The following SATL1 variants were observed in gnomAD, a reference collection of about 807,000 sequenced individuals.
SATL1 encodes spermidine/spermine N1-acetyl transferase like 1.
SATL1 carries 47 observed loss-of-function variants against 51.8 expected under a neutral mutation model. The observed-to-expected ratio is 0.91, with a 90% CI of 0.72 to 1.16. SATL1 has a LOEUF of 1.16. Ranked by LOEUF, SATL1 falls within the 50% of genes most tolerant of loss-of-function variation. SATL1 has a pLI of 0.00. For synonymous variants in SATL1, 176 were observed against 182.4 expected (o/e 0.97, Z 0.28); for missense variants, 520 against 526.4 (o/e 0.99, Z 0.12).
chrX:85,161,346 T>C (rs1320302801), intron 2 of SATL1, among the ~76,000 whole-genome samples: 1 of 110,724 alleles, frequency 9.0e-6, no homozygotes, highest in Non-Finnish European at 1.9e-5. Flanking sequence ...AATGCCCCAA[T>C]TTAAAAGGCA....
intron 2 of SATL1, among the ~76,000 whole-genome samples, chrX:85,167,118 A>G (rs1331056316): frequency 9.2e-6 from 1 of 109,281 alleles, no homozygotes; most frequent in Non-Finnish European, 1.9e-5. Context: ...GTTGGAGACC[A>G]CTATTCTATA....
chrX:85,149,766 C>T (rs1342901309), intron 2 of SATL1, among the ~76,000 whole-genome samples: 25 of 111,208 alleles, frequency 2.2e-4, no homozygotes, highest in South Asian at 1.1e-3. Context: ...TTGAAACCAA[C>T]GAGAACAAAG....
chrX:85,140,737 G>A (rs1410730494), intron 2 of SATL1, among the ~76,000 whole-genome samples: 8 of 111,779 alleles, frequency 7.2e-5, no homozygotes, highest in Admixed American at 1.9e-4. Context: ...CAGGTTGCTA[G>A]CTACTGTTCC....
chrX:85,221,479 C>T (rs1928176342), intron 2 of SATL1, among the ~76,000 whole-genome samples: 1 of 112,031 alleles, frequency 8.9e-6, no homozygotes, highest in South Asian at 3.8e-4. Flanking sequence ...TGATTCAAAA[C>T]TCTGTAACTA....
At chrX:85,110,740 A>T (rs1162506030) in intron 2 of SATL1, among the ~76,000 whole-genome samples, 1 of 112,304 alleles carries the variant, frequency 8.9e-6, no homozygotes, top group African/African-American at 3.2e-5. Flanking sequence ...TTAGCATGAC[A>T]AGCAAATCAA....
intron 2 of SATL1, chrX:85,207,261 T>A (rs939153341): frequency 4.5e-5 from 5 of 111,555 alleles, no homozygotes; most frequent in African/African-American, 1.6e-4. Context: ...GAGCATTGCT[T>A]CCCTAGATAC....
chrX:85,143,996 T>C (rs1450391278), intron 2 of SATL1, among the ~76,000 whole-genome samples: 1 of 112,246 alleles, frequency 8.9e-6, no homozygotes, highest in Non-Finnish European at 1.9e-5. Flanking sequence ...GGTATAATCA[T>C]ACCTGTCTAT....
chrX:85,191,996 T>C (rs960265989), intron 2 of SATL1, among the ~76,000 whole-genome samples: 47 of 112,119 alleles, frequency 4.2e-4, no homozygotes, highest in Non-Finnish European at 3.8e-5. Flanking sequence ...GACAGAAACA[T>C]AGACTTGATC....
chrX:85,109,100 G>T lies in SATL1; in HGVS notation c.-132C>A. ...GTGCTGTGGTGGGAGGTTGTTGGCT[G>T]TTCCCAGTTCTTCTCAATTTGATTC... On this transcript the variant is annotated 5_prime_UTR_variant, in exon 3 of 8. Coordinates refer to ENST00000644105, the MANE Select transcript of SATL1 (RefSeq NM_001367857.2). 1 of 589,101 alleles carries T rather than the reference G, an allele frequency of 1.7e-6. No homozygotes were observed. Among genetic ancestry groups the T allele is most frequent in the Non-Finnish European group, 2.6e-6 (1 of 383,643 alleles). 48.5% of individuals were successfully genotyped at this position (589,101 alleles called of 1,213,427 possible).
chrX:85,128,332 C>G (rs1377791794), intron 2 of SATL1, among the ~76,000 whole-genome samples: 1 of 111,574 alleles, frequency 9.0e-6, no homozygotes, highest in Non-Finnish European at 1.9e-5. Flanking sequence ...TTTTAATGAT[C>G]ACCATTCTAA....
At chrX:85,202,581 G>A (rs1471765821) in intron 2 of SATL1, among the ~76,000 whole-genome samples, 1 of 111,868 alleles carries the variant, frequency 8.9e-6, no homozygotes, top group Non-Finnish European at 1.9e-5. Flanking sequence ...CCAGCTTAGA[G>A]GCAGCAGAGA....
intron 2 of SATL1, among the ~76,000 whole-genome samples, chrX:85,205,193 T>C (rs988310509): frequency 1.8e-5 from 2 of 112,200 alleles, no homozygotes; most frequent in African/African-American, 6.5e-5. Flanking sequence ...ACCAATGTTA[T>C]TCCTTTTGGT....
At chrX:85,191,804 T>A (rs140366418) in intron 2 of SATL1, among the ~76,000 whole-genome samples, 1 of 111,655 alleles carries the variant, frequency 9.0e-6, no homozygotes, top group Non-Finnish European at 1.9e-5. Flanking sequence ...GAAAAAAGGT[T>A]GGTCTTGCTG....
Position 85,235,050 on chromosome X carries a change from C to T in SATL1, c.-435+8538G>A, listed in dbSNP as rs192479453. 6.5e-4 allele frequency among the ~76,000 whole-genome samples: 71 copies of T among 109,919 alleles called. No homozygotes were observed. The South Asian group carries it at 9.1e-3, about 14-fold the overall frequency. On this transcript the variant is annotated intron_variant, in intron 1 of 7. Transcript: ENST00000644105. Reference sequence around the variant, plus strand: ...AAATATGTTCCATGCAAATAGAAACCGAAAAAGAGCAAGAGTAAGTATACT... The same window carrying T: ...AAATATGTTCCATGCAAATAGAAACTGAAAAAGAGCAAGAGTAAGTATACT...
rs896507604 is a variant in SATL1, at chrX:85,168,083, C to A, written c.-313+56122G>T. Among the ~76,000 whole-genome samples, 4 of 109,954 alleles carry A rather than the reference C, an allele frequency of 3.6e-5. No individual in the cohort carries two copies. The South Asian group carries it at 1.2e-3, about 32-fold the overall frequency. ...GAAAGGCTTTTGATAAAATTCAACACCCTTTCATATTAAAAACTCTCAATA... is the reference window on the plus strand; with the variant it reads ...GAAAGGCTTTTGATAAAATTCAACAACCTTTCATATTAAAAACTCTCAATA... On this transcript the variant is annotated intron_variant, in intron 2 of 7. Coordinates refer to ENST00000644105, the MANE Select transcript of SATL1 (RefSeq NM_001367857.2).
chrX:85,099,033 G>A (rs185818971), intron 4 of SATL1, among the ~76,000 whole-genome samples: 1 of 111,414 alleles, frequency 9.0e-6, no homozygotes, highest in Non-Finnish European at 1.9e-5. Flanking sequence ...AAAATTGACA[G>A]CTAGACTGAC....
intron 2 of SATL1, chrX:85,209,233 ATC>A (rs1417845986): frequency 1.8e-5 from 2 of 111,348 alleles, no homozygotes; most frequent in Admixed American, 1.9e-4. Context: ...CCATTGGTCT[ATC>A]TCTCTGTTTT....
chrX:85,096,695 T>C (rs369318431), intron 4 of SATL1, among the ~76,000 whole-genome samples: 3 of 110,902 alleles, frequency 2.7e-5, no homozygotes, highest in Admixed American at 9.6e-5. Context: ...TACCATCTGC[T>C]TTCCCATCAG....
At chrX:85,139,520 C>T (rs113656685) in intron 2 of SATL1, among the ~76,000 whole-genome samples, 1,234 of 110,940 alleles carry the variant, frequency 0.011, 14 homozygotes, top group African/African-American at 0.038. Flanking sequence ...CTGGAGTCTA[C>T]ATACTTAACC....
Sources: allele counts gnomAD v4.1 joint callset (sites outside exome capture counted in the v4.1 genomes callset), GRCh38; gene constraint gnomAD v4.1.1; transcripts MANE v1.5; gene names NCBI Gene and HGNC (gene_info 2026-07-23, HGNC 2026-07-21).